Variants in FRMPD1 observed in about 807,000 individuals in gnomAD.
FRMPD1 encodes FERM and PDZ domain containing 1.
In FRMPD1, 76 loss-of-function variants were observed where a neutral mutation model predicts 117.8. The ratio of observed to expected loss-of-function variants is 0.65; its 90% CI spans 0.54 to 0.78. The LOEUF (loss-of-function observed/expected upper bound fraction) is 0.78, where lower values mean the gene tolerates loss of function less well. Ranked by LOEUF, FRMPD1 falls within the 30% of genes least tolerant of loss-of-function variation. FRMPD1 has a pLI of 0.00. For synonymous variants in FRMPD1, 783 were observed against 770.4 expected, an observed-to-expected ratio of 1.02 and a Z score of -0.27; for missense variants, 1,786 against 1,964.5, an observed-to-expected ratio of 0.91 and a Z score of 1.72.
At chr9:37,724,859 A>G (rs1823554646) in intron 7 of FRMPD1, among the ~76,000 whole-genome samples, 1 of 152,172 alleles carries the variant, frequency 6.6e-6, no homozygotes, top group African/African-American at 2.4e-5. Flanking sequence ...CGTTCAGGGA[A>G]TGCTTGATTG....
At chr9:37,717,381 ATTTT>A (rs61705193) in intron 5 of FRMPD1, among the ~76,000 whole-genome samples, 2,053 of 114,256 alleles carry the variant, frequency 0.018, 58 homozygotes, top group African/African-American at 0.062. Flanking sequence ...ATATATATAT[ATTTT>A]TTTTTTTTTT....
At chr9:37,701,455 G>A (rs1263072423) in intron 2 of FRMPD1, among the ~76,000 whole-genome samples, 2 of 151,800 alleles carry the variant, frequency 1.3e-5, no homozygotes, top group Non-Finnish European at 2.9e-5. Context: ...CAGCATGATT[G>A]GATATGTTGG....
intron 2 of FRMPD1, among the ~76,000 whole-genome samples, chr9:37,697,995 G>A (rs1048327742): frequency 2.0e-5 from 3 of 152,132 alleles, no homozygotes; most frequent in Non-Finnish European, 4.4e-5. Context: ...CGTGCCTCTA[G>A]TCCCAGCTAC....
At chr9:37,624,097 G>A in the FRMPD1 span, among the ~76,000 whole-genome samples, 1 of 152,182 alleles carries the variant, frequency 6.6e-6, no homozygotes, top group East Asian at 1.9e-4. Context: ...GTAGGAAGCT[G>A]TTAACATCCC....
chr9:37,638,422 T>G, the FRMPD1 span, among the ~76,000 whole-genome samples: 1 of 152,190 alleles, frequency 6.6e-6, no homozygotes, highest in African/African-American at 2.4e-5. Flanking sequence ...AGTCCATGTC[T>G]CTGTGGCCTG....
chr9:37,740,196 G>A lies in FRMPD1; in HGVS notation c.1668G>A (p.Glu556=), dbSNP rs1172602356. Residue 556 remains glutamate (E), a synonymous_variant, in exon 15 of 16, where the codon GAG becomes GAA. Transcript: ENST00000377765. The surrounding 1 kb of genome is among the most constrained non-coding windows in gnomAD (Gnocchi z 4.2). The stretch of plus-strand genomic sequence containing the variant: ...CACCCTGCAGATCACTCATAAAGGA[G>A]GAGCAGCCTCCTGGGAACAGCCCCA... ...KLAPCRSLIK[E]EQPPGNSPTP... 1 of 1,614,016 alleles carries A rather than the reference G, an allele frequency of 6.2e-7. No individual in the cohort carries two copies. Among genetic ancestry groups the A allele is most frequent in the Admixed American group, 1.7e-5 (1 of 60,026 alleles).
chr9:37,669,459 C>T (rs1821275452), intron 1 of FRMPD1, among the ~76,000 whole-genome samples: 1 of 152,172 alleles, frequency 6.6e-6, no homozygotes, highest in Non-Finnish European at 1.5e-5. Flanking sequence ...ATCTGATAGG[C>T]AGTGAAGTTA....
chr9:37,662,644 A>G (rs1237654255), intron 1 of FRMPD1, among the ~76,000 whole-genome samples: 2 of 152,190 alleles, frequency 1.3e-5, no homozygotes, highest in African/African-American at 4.8e-5. Context: ...AATATGAATG[A>G]TGGAGACCAG....
At chr9:37,623,255 C>T in the FRMPD1 span, among the ~76,000 whole-genome samples, 257 of 152,164 alleles carry the variant, frequency 1.7e-3, 5 homozygotes, top group Non-Finnish European at 8.5e-4. Context: ...CCACCATGAA[C>T]GAGACAGCCT....
intron 12 of FRMPD1, 24 bp downstream of exon 12, chr9:37,733,849 T>C (rs1236100622): frequency 7.8e-7 from 1 of 1,279,392 alleles, no homozygotes; most frequent in Non-Finnish European, 1.1e-6. Context: ...AACTGTGAAA[T>C]CCTACTCACG....
At chr9:37,682,755 A>C (rs1821772751) in intron 1 of FRMPD1, among the ~76,000 whole-genome samples, 1 of 152,184 alleles carries the variant, frequency 6.6e-6, no homozygotes, top group African/African-American at 2.4e-5. Context: ...CTAAGAAAAA[A>C]TGGTGGAAAG....
chr9:37,639,392 A>G, the FRMPD1 span, among the ~76,000 whole-genome samples: 1 of 152,214 alleles, frequency 6.6e-6, no homozygotes, highest in Non-Finnish European at 1.5e-5. Context: ...TTGAAAAATT[A>G]AATATCCCAT....
intron 1 of FRMPD1, among the ~76,000 whole-genome samples, chr9:37,686,313 A>G (rs1039866089): frequency 3.3e-5 from 5 of 152,248 alleles, no homozygotes. Flanking sequence ...CTCAAGCTGC[A>G]GACGAGTGGA....
intron 5 of FRMPD1, 98 bp downstream of exon 5, chr9:37,711,493 G>A: frequency 1.1e-6 from 1 of 935,742 alleles, no homozygotes; most frequent in East Asian, 2.4e-5. Context: ...AGCGGGGAAG[G>A]CAAAGGGTGG....
intron 5 of FRMPD1, among the ~76,000 whole-genome samples, chr9:37,715,498 A>G (rs1320799271): frequency 3.9e-5 from 6 of 152,222 alleles, no homozygotes; most frequent in Non-Finnish European, 8.8e-5. Flanking sequence ...GTCCCTTTTC[A>G]GTGCCCTTTT....
At chr9:37,612,251 G>A in the FRMPD1 span, among the ~76,000 whole-genome samples, 1 of 152,196 alleles carries the variant, frequency 6.6e-6, no homozygotes, top group South Asian at 2.1e-4. Context: ...CTCTCTGTGG[G>A]AGTTCAGAAC....
chr9:37,746,092 G>A lies in FRMPD1; in HGVS notation c.4060G>A (p.Glu1354Lys). 6.2e-7 allele frequency: 1 copy of A among 1,614,214 alleles called. No individual in the cohort carries two copies. Among genetic ancestry groups the A allele is most frequent in the Non-Finnish European group, 8.5e-7 (1 of 1,180,040 alleles). Residue 1354 changes from glutamate (E) to lysine (K), a missense_variant, in exon 16 of 16, where the codon GAA (glutamate) becomes AAA (lysine). Physicochemically the swap from Glu to Lys is moderately conservative, Grantham distance 56 (BLOSUM62 1). Coordinates refer to ENST00000377765, the MANE Select transcript of FRMPD1 (RefSeq NM_014907.3). ...FRGPQPETEE[E>K]DRDLEAHPMA... ...TGGCCCGCAGCCTGAGACAGAGGAA[G>A]AAGACAGGGACTTGGAAGCACACCC...
chr9:37,651,253 G>A (rs1820661998), intron 1 of FRMPD1, among the ~76,000 whole-genome samples, 159 bp downstream of exon 1: 1 of 152,216 alleles, frequency 6.6e-6, no homozygotes, highest in African/African-American at 2.4e-5. Flanking sequence ...AGCCCGGCTC[G>A]GGGGCGCGTC....
intron 1 of FRMPD1, among the ~76,000 whole-genome samples, chr9:37,671,865 C>G (rs1821362507): frequency 6.6e-6 from 1 of 152,178 alleles, no homozygotes; most frequent in Non-Finnish European, 1.5e-5. Context: ...ACTCAGGAGG[C>G]TGAGGAAGGA....
Sources: allele counts gnomAD v4.1 joint callset (sites outside exome capture counted in the v4.1 genomes callset), GRCh38; gene constraint gnomAD v4.1.1; non-coding constraint Gnocchi (gnomAD v3.1); transcripts MANE v1.5; gene names NCBI Gene and HGNC (gene_info 2026-07-23, HGNC 2026-07-21).